RASSF4: variants seen among roughly 807,000 people sequenced by gnomAD.
RASSF4 encodes the protein ras association domain-containing protein 4.
In RASSF4, 38 loss-of-function variants were observed where a neutral mutation model predicts 41.1. That is an observed-to-expected ratio of 0.92 (90% CI 0.71 to 1.21). The LOEUF (loss-of-function observed/expected upper bound fraction) is 1.21, where lower values mean the gene tolerates loss of function less well. Among genes scored for constraint, RASSF4 ranks in the 50% most tolerant of loss-of-function variants. The pLI is 0.00. For missense variants in RASSF4, 414 were observed against 419.4 expected (o/e 0.99, Z 0.11); for synonymous variants, 179 against 163.4 (o/e 1.10, Z -0.73).
Position 44,982,520 on chromosome 10 carries a change from G to A in RASSF4, c.139-1G>A. 6.2e-7 allele frequency: 1 copy of A among 1,610,896 alleles called. No individual in the cohort carries two copies. Among genetic ancestry groups the A allele is most frequent in the African/African-American group, 1.3e-5 (1 of 74,858 alleles). On this transcript the variant is annotated splice_acceptor_variant, in intron 3 of 10. Transcript: ENST00000340258. LOFTEE classifies it high-confidence loss of function. ...AAGGGCTGATGTGTGGACCCCCACA[G>A]GAAGAAGGGACTCTGATCATCGAGG... is the stretch of plus-strand genomic sequence containing the variant.
At chr10:44,991,817 G>C in intron 9 of RASSF4, 88 bp from the exon 10 acceptor site, 1 of 834,826 alleles carries the variant, frequency 1.2e-6, no homozygotes, top group East Asian at 2.5e-5. Context: ...ATGTTGGCTG[G>C]ATGGGCCACT....
chr10:44,960,620 G>A (rs188862398), intron 1 of RASSF4, among the ~76,000 whole-genome samples: 6 of 152,200 alleles, frequency 3.9e-5, no homozygotes, highest in South Asian at 2.1e-4. Flanking sequence ...CTGGCACGGC[G>A]GAGGGAGGGA....
chr10:44,984,100 C>T lies in RASSF4; in HGVS notation c.360C>T (p.Ser120=). The change falls in exon 5 of 11, where the codon TCC becomes TCT. Residue 120 remains serine, a synonymous_variant. Coordinates refer to ENST00000340258, the MANE Select transcript of RASSF4 (RefSeq NM_032023.4). ...SIQPVHKAES[S]TDSSGPLEEA... is the part of the protein sequence containing the mutation. The stretch of plus-strand genomic sequence containing the variant: ...AGCCAGTGCACAAGGCTGAGAGTTC[C>T]ACAGACAGCTCGGGTAAGCGGAGCC... The T allele has an allele frequency of 6.2e-7, 1 of 1,603,406 alleles. No homozygotes were observed.
At chr10:44,962,233 G>A (rs1011134475) in intron 1 of RASSF4, among the ~76,000 whole-genome samples, 4 of 152,240 alleles carry the variant, frequency 2.6e-5, no homozygotes, top group South Asian at 2.1e-4. Context: ...GCTCTACAAC[G>A]TTCCTCTGCC....
intron 2 of RASSF4, 109 bp from the exon 3 acceptor site, chr10:44,971,664 G>A (rs1448324360): frequency 2.3e-6 from 2 of 854,716 alleles, no homozygotes; most frequent in Non-Finnish European, 4.1e-6. Context: ...CGAGAAGGGT[G>A]CTGTCACACT....
At chr10:44,962,981 G>T (rs562761380) in intron 1 of RASSF4, among the ~76,000 whole-genome samples, 29 of 152,324 alleles carry the variant, frequency 1.9e-4, no homozygotes, top group Admixed American at 1.5e-3. Context: ...TATCAGGGAG[G>T]CCTGGATGCT....
chr10:44,973,039 T>C (rs1321774871), intron 3 of RASSF4, among the ~76,000 whole-genome samples: 6 of 152,188 alleles, frequency 3.9e-5, no homozygotes, highest in Non-Finnish European at 8.8e-5. Flanking sequence ...TTCAGGAGCT[T>C]CTGGCTCCTG....
chr10:44,960,828 G>A (rs572535819), intron 1 of RASSF4, among the ~76,000 whole-genome samples: 14 of 152,340 alleles, frequency 9.2e-5, no homozygotes, highest in South Asian at 2.1e-4. Flanking sequence ...GGAGCCCCTC[G>A]CTGGCTTTGC....
chr10:44,989,457 C>A, intron 7 of RASSF4, 82 bp downstream of exon 7: 1 of 1,102,344 alleles, frequency 9.1e-7, no homozygotes, highest in Non-Finnish European at 1.4e-6. Context: ...GGGAAAGCTG[C>A]CCGTGGCAGA....
At chr10:44,974,295 G>A (rs910215972) in intron 3 of RASSF4, among the ~76,000 whole-genome samples, 10 of 152,264 alleles carry the variant, frequency 6.6e-5, no homozygotes, top group Admixed American at 5.2e-4. Context: ...CAATGCACCA[G>A]GCACTTTGCC....
chr10:44,989,757 AAAG>A (rs1220034907), intron 8 of RASSF4, 36 bp downstream of exon 8: 2 of 1,586,720 alleles, frequency 1.3e-6, no homozygotes, highest in African/African-American at 2.7e-5. Context: ...CGTAAAAGCA[AAAG>A]GTCTCTACCT....
intron 6 of RASSF4, 61 bp downstream of exon 6, chr10:44,985,031 C>A (rs1841869695): frequency 1.3e-6 from 2 of 1,551,404 alleles, no homozygotes; most frequent in African/African-American, 1.4e-5. Context: ...AGCACAGGCA[C>A]AGCAAGCACC....
chr10:44,988,340 T>C (rs1183853534), intron 6 of RASSF4, among the ~76,000 whole-genome samples: 2 of 152,220 alleles, frequency 1.3e-5, no homozygotes, highest in African/African-American at 2.4e-5. Flanking sequence ...GCGGGTTCAA[T>C]ACACAGCTAG....
intron 9 of RASSF4, 83 bp downstream of exon 9, chr10:44,991,152 GAGCCC>G: frequency 7.4e-7 from 1 of 1,357,524 alleles, no homozygotes; most frequent in Non-Finnish European, 9.9e-7. Flanking sequence ...CTCCTGGCCA[GAGCCC>G]TGTCAGTTGA....
At chr10:44,979,653 A>G (rs1017157998) in intron 3 of RASSF4, among the ~76,000 whole-genome samples, 6 of 152,148 alleles carry the variant, frequency 3.9e-5, no homozygotes, top group African/African-American at 1.4e-4. Flanking sequence ...CAGGGGCAGC[A>G]CGTGCAAAGC....
intron 3 of RASSF4, among the ~76,000 whole-genome samples, chr10:44,974,805 G>T (rs912510051): frequency 1.8e-4 from 28 of 152,252 alleles, no homozygotes; most frequent in Non-Finnish European, 1.0e-4. Context: ...CTTCCGAGGG[G>T]CTAGAGGAGG....
rs184214737 is a variant in RASSF4 at position 44,989,303 on chromosome 10, C to T, written c.561C>T (p.Ser187=). Residue 187 remains serine, a synonymous_variant, in exon 7 of 11, where the codon TCC becomes TCT. Transcript: ENST00000340258. ...KTSVFTPAYG[S]VTNVRVNSTM... ...CCGTGTTTACTCCAGCCTATGGATC[C>T]GTGACCAATGTGAGGGTCAACAGCA... The T allele has an allele frequency of 4.1e-4, 661 of 1,613,814 alleles. 1 individual carries two copies. Among genetic ancestry groups the T allele is most frequent in the Non-Finnish European group, 5.0e-4 (594 of 1,179,724 alleles).
intron 9 of RASSF4, 182 bp downstream of exon 9, chr10:44,991,251 G>A (rs367545761): frequency 2.9e-4 from 134 of 470,140 alleles, no homozygotes; most frequent in East Asian, 2.5e-3. Context: ...ATCAGTGACC[G>A]CCAGCACCAG....
intron 3 of RASSF4, among the ~76,000 whole-genome samples, chr10:44,980,451 G>C (rs903646975): frequency 2.0e-5 from 3 of 152,202 alleles, no homozygotes; most frequent in Non-Finnish European, 2.9e-5. Context: ...GGGGGAGGGT[G>C]AACAGTGGGC....
Sources: allele counts gnomAD v4.1 joint callset (sites outside exome capture counted in the v4.1 genomes callset), GRCh38; gene constraint gnomAD v4.1.1; transcripts MANE v1.5; gene names NCBI Gene and HGNC (gene_info 2026-07-23, HGNC 2026-07-21).